The following PCDHGA7 variants were observed in gnomAD, a reference collection of about 807,000 sequenced individuals.
PCDHGA7 encodes the protein protocadherin gamma subfamily A, 7.
PCDHGA7 carries 44 observed loss-of-function variants against 58.3 expected under a neutral mutation model. The ratio of observed to expected loss-of-function variants is 0.75; its 90% CI spans 0.59 to 0.97. PCDHGA7 has a LOEUF of 0.97. Ranked by LOEUF, PCDHGA7 falls within the 50% of genes least tolerant of loss-of-function variation. The probability of loss-of-function intolerance (pLI) is 0.00; values close to 1 mark genes in which losing one functional copy is unlikely to be tolerated. For missense variants in PCDHGA7, 1,266 were observed against 1,188.7 expected (o/e 1.06, Z -0.96); for synonymous variants, 516 against 504.2 (o/e 1.02, Z -0.31).
intron 1 of PCDHGA7, chr5:141,396,148 A>G (rs1589277067): frequency 6.6e-6 from 1 of 152,328 alleles, no homozygotes; most frequent in South Asian, 2.1e-4. Context: ...AAGCTGATCA[A>G]TTCAATTAAA....
Position 141,476,437 on chromosome 5 carries a change from TCTGGAGTTGGTAGTGGAGAACCC to T in PCDHGA7, c.2425-18369_2425-18347del. ...GGACACTGCCCTCTTGCACTGTAAC[TCTGGAGTTGGTAGTGGAGAACCC>T]GCTGGAGCTGTTCAGCGTGGAAGTG... On this transcript the variant is annotated intron_variant, in intron 1 of 3. Transcript: ENST00000518325. The surrounding 1 kb of genome is among the most constrained non-coding windows in gnomAD (Gnocchi z 7.6). 1 of 1,614,004 alleles carries T rather than the reference TCTGGAGTTGGTAGTGGAGAACCC, an allele frequency of 6.2e-7. No individual in the cohort carries two copies. The highest frequency in any genetic ancestry group is 2.2e-5 in the East Asian group (1 of 44,836).
At chr5:141,423,836 GATA>G (rs752488755) in intron 1 of PCDHGA7, 23 of 1,275,246 alleles carry the variant, frequency 1.8e-5, no homozygotes, top group Non-Finnish European at 2.1e-5. Context: ...ATGAGATTAC[GATA>G]ATCTTTCAGA....
chr5:141,388,204 A>T lies in PCDHGA7; in HGVS notation c.2424+2881A>T, dbSNP rs746829885. ...AAGCCAGCTTGTGCTCTGGAATTTG[A>T]GGCTGTTGCTGAAAATCCACTGAAC... On this transcript the variant is annotated intron_variant, in intron 1 of 3. Coordinates refer to ENST00000518325, the MANE Select transcript of PCDHGA7 (RefSeq NM_018920.4). 9 of 1,575,744 alleles carry T rather than the reference A, an allele frequency of 5.7e-6. No homozygotes were observed. The Admixed American group carries it at 1.5e-4, about 27-fold the overall frequency.
intron 1 of PCDHGA7, chr5:141,400,157 C>G (rs778405500): frequency 3.7e-6 from 6 of 1,614,050 alleles, no homozygotes; most frequent in African/African-American, 1.3e-5. Context: ...CGCCCTGTAC[C>G]CTCTGACCCC....
At chr5:141,419,554 T>C (rs775925543) in intron 1 of PCDHGA7, 1 of 1,612,006 alleles carries the variant, frequency 6.2e-7, no homozygotes, top group Non-Finnish European at 8.5e-7. Flanking sequence ...TGCTGTACCC[T>C]GCGCTGGGTC....
At chr5:141,492,487 C>G (rs1031047955) in intron 1 of PCDHGA7, among the ~76,000 whole-genome samples, 1 of 152,222 alleles carries the variant, frequency 6.6e-6, no homozygotes, top group Non-Finnish European at 1.5e-5. Flanking sequence ...CGCCCAGGAC[C>G]AGGCGAGGAC....
chr5:141,391,873 T>G (rs1023590638), intron 1 of PCDHGA7: 2 of 152,216 alleles, frequency 1.3e-5, no homozygotes, highest in African/African-American at 4.8e-5. Flanking sequence ...TAATCATCTC[T>G]TTGGTGAAAG....
intron 1 of PCDHGA7, chr5:141,416,492 A>G (rs183273356): frequency 1.4e-4 from 22 of 152,306 alleles, no homozygotes; most frequent in Admixed American, 1.4e-3. Flanking sequence ...AACAGGAGCA[A>G]GAGATATATG....
intron 1 of PCDHGA7, among the ~76,000 whole-genome samples, chr5:141,420,737 A>G (rs1156969170): frequency 1.3e-5 from 2 of 152,244 alleles, no homozygotes; most frequent in Non-Finnish European, 2.9e-5. Flanking sequence ...GTTAAAATCA[A>G]TTGGAACCAA....
intron 2 of PCDHGA7, among the ~76,000 whole-genome samples, chr5:141,503,010 A>T (rs1595838084): frequency 6.8e-6 from 1 of 146,772 alleles, no homozygotes; most frequent in East Asian, 2.0e-4. Context: ...TGCCCGGTTA[A>T]TTTTTTTTTT....
chr5:141,408,510 A>G (rs1298660421), intron 1 of PCDHGA7: 21 of 1,613,870 alleles, frequency 1.3e-5, no homozygotes, highest in Non-Finnish European at 1.8e-5. Context: ...AGAAGATGTG[A>G]GTTGCAATTG....
At chr5:141,507,858 AC>A (rs2099864314) in intron 3 of PCDHGA7, among the ~76,000 whole-genome samples, 1 of 151,748 alleles carries the variant, frequency 6.6e-6, no homozygotes, top group African/African-American at 2.4e-5. Flanking sequence ...TCACTTTCAC[AC>A]CCGCTTCCTA....
intron 1 of PCDHGA7, among the ~76,000 whole-genome samples, chr5:141,439,595 G>A (rs752771969): frequency 3.9e-5 from 6 of 152,192 alleles, no homozygotes; most frequent in Non-Finnish European, 5.9e-5. Flanking sequence ...CTGTTGGCCA[G>A]TCTGGAAACA....
chr5:141,510,252 G>A (rs1342841474), intron 3 of PCDHGA7, among the ~76,000 whole-genome samples: 4 of 148,432 alleles, frequency 2.7e-5, no homozygotes, highest in Admixed American at 1.3e-4. Context: ...CAGGCTGGGC[G>A]ACAGAGCAGG....
chr5:141,398,018 A>G, intron 1 of PCDHGA7: 1 of 1,425,774 alleles, frequency 7.0e-7, no homozygotes, highest in East Asian at 2.5e-5. Flanking sequence ...TCGTTTCCTA[A>G]ACTGGAACTG....
At chr5:141,398,314 A>C in intron 1 of PCDHGA7, 1 of 1,348,682 alleles carries the variant, frequency 7.4e-7, no homozygotes, top group Non-Finnish European at 1.0e-6. Context: ...GGAGTTACCG[A>C]CTCGAAAACT....
intron 1 of PCDHGA7, among the ~76,000 whole-genome samples, chr5:141,433,653 T>C (rs1030084681): frequency 6.6e-6 from 1 of 152,024 alleles, no homozygotes; most frequent in Non-Finnish European, 1.5e-5. Flanking sequence ...CTGACCAACA[T>C]GGAGAAACCC....
intron 1 of PCDHGA7, among the ~76,000 whole-genome samples, chr5:141,472,122 G>A (rs898092092): frequency 6.6e-6 from 1 of 152,176 alleles, no homozygotes; most frequent in African/African-American, 2.4e-5. Flanking sequence ...GAAAATAAAA[G>A]AGAAGTTAAA....
At chr5:141,421,034 C>G (rs2096540283) in intron 1 of PCDHGA7, 2 of 538,266 alleles carry the variant, frequency 3.7e-6, no homozygotes, top group Non-Finnish European at 6.4e-6. Context: ...CATTGAGTCC[C>G]TCCCTCCCCC....
Sources: allele counts gnomAD v4.1 joint callset (sites outside exome capture counted in the v4.1 genomes callset), GRCh38; gene constraint gnomAD v4.1.1; non-coding constraint Gnocchi (gnomAD v3.1); transcripts MANE v1.5; gene names NCBI Gene and HGNC (gene_info 2026-07-23, HGNC 2026-07-21).